Variants in KALRN observed in about 807,000 individuals in gnomAD.
KALRN encodes kalirin.
A neutral mutation model predicts 353.7 loss-of-function variants in KALRN; 70 were observed. That is an observed-to-expected ratio of 0.20 (90% confidence interval 0.16 to 0.24). The LOEUF (loss-of-function observed/expected upper bound fraction) is 0.24, where lower values mean the gene tolerates loss of function less well. KALRN is among the 10% of genes least tolerant of loss of function. The pLI, the probability that KALRN is intolerant of heterozygous loss-of-function variation, is 1.00. For synonymous variants in KALRN, 1,391 were observed against 1,434.8 expected (o/e 0.97, Z 0.69); for missense variants, 2,791 against 3,756.7 (o/e 0.74, Z 6.72).
chr3:124,368,192 GA>G (rs1400695142), intron 10 of KALRN, among the ~76,000 whole-genome samples: 1 of 69,716 alleles, frequency 1.4e-5, no homozygotes, highest in Non-Finnish European at 2.7e-5. Flanking sequence ...GCGGGGGGCT[GA>G]CCCCCCACAC....
chr3:124,044,905 C>CCTTCCTTCCTTCCTTCCTTCCTTCT (rs1553740415), intron 1 of KALRN, among the ~76,000 whole-genome samples: 1 of 45,548 alleles, frequency 2.2e-5, no homozygotes, highest in African/African-American at 5.3e-5. Flanking sequence ...TTCCTTCCTT[C>CCTTCCTTCCTTCCTTCCTTCCTTCT]CTTCCTTCTC....
At chr3:124,175,156 G>A (rs2072484958) in intron 1 of KALRN, among the ~76,000 whole-genome samples, 1 of 152,228 alleles carries the variant, frequency 6.6e-6, no homozygotes, top group African/African-American at 2.4e-5. Flanking sequence ...TTCTGTACTT[G>A]CCACGTGCCC....
At chr3:124,439,674 T>C (rs1426461932) in intron 18 of KALRN, among the ~76,000 whole-genome samples, 3 of 152,230 alleles carry the variant, frequency 2.0e-5, no homozygotes, top group Non-Finnish European at 4.4e-5. Flanking sequence ...CACATGACAC[T>C]GTTCATTCTT....
intron 1 of KALRN, among the ~76,000 whole-genome samples, chr3:124,144,268 C>T (rs1209386512): frequency 6.6e-6 from 1 of 152,090 alleles, no homozygotes; most frequent in African/African-American, 2.4e-5. Flanking sequence ...GCATCAGCAA[C>T]TAAAGAGCAG....
intron 39 of KALRN, 73 bp downstream of exon 39, chr3:124,655,740 G>A (rs1272745886): frequency 2.0e-6 from 2 of 1,007,080 alleles, no homozygotes; most frequent in African/African-American, 3.2e-5. Flanking sequence ...AGGCCAAGGT[G>A]TTTTAATCTG....
intron 1 of KALRN, among the ~76,000 whole-genome samples, chr3:124,051,942 C>CCCT (rs1559875182): frequency 6.6e-6 from 1 of 152,164 alleles, no homozygotes; most frequent in Non-Finnish European, 1.5e-5. Context: ...GCAAGTGTGT[C>CCCT]CCTCTCTGAG....
intron 10 of KALRN, among the ~76,000 whole-genome samples, chr3:124,380,755 A>G (rs1343689496): frequency 6.6e-6 from 1 of 152,192 alleles, no homozygotes; most frequent in Non-Finnish European, 1.5e-5. Flanking sequence ...GAGTCAAAGT[A>G]TTGCTTTGGT....
intron 34 of KALRN, among the ~76,000 whole-genome samples, chr3:124,619,609 C>G (rs2079051309): frequency 6.6e-6 from 1 of 151,186 alleles, no homozygotes; most frequent in African/African-American, 2.4e-5. Flanking sequence ...GCCTCAGCCT[C>G]CCGAGTAGCT....
intron 56 of KALRN, 107 bp downstream of exon 56, chr3:124,700,140 C>A: frequency 9.6e-7 from 1 of 1,043,960 alleles, no homozygotes. Flanking sequence ...ATGCAAGAGG[C>A]ACCTTTTAGA....
chr3:124,704,839 C>T (rs374115408), intron 57 of KALRN, among the ~76,000 whole-genome samples: 10 of 152,166 alleles, frequency 6.6e-5, no homozygotes, highest in Admixed American at 2.0e-4. Flanking sequence ...CGTGAGCCAC[C>T]CCACCAGGCC....
At chr3:124,044,905 C>CCTTCCTTCCTTCT (rs1553740415) in intron 1 of KALRN, among the ~76,000 whole-genome samples, 11 of 45,598 alleles carry the variant, frequency 2.4e-4, no homozygotes, top group African/African-American at 5.2e-4. Flanking sequence ...TTCCTTCCTT[C>CCTTCCTTCCTTCT]CTTCCTTCTC....
At chr3:124,388,418 G>A (rs2088779872) in intron 11 of KALRN, among the ~76,000 whole-genome samples, 1 of 151,934 alleles carries the variant, frequency 6.6e-6, no homozygotes, top group Non-Finnish European at 1.5e-5. Context: ...CTCACACTGA[G>A]CTGTGATTCT....
intron 1 of KALRN, chr3:124,163,740 C>A (rs1173303859): frequency 1.0e-6 from 1 of 985,290 alleles, no homozygotes. Flanking sequence ...GTTCTCACTA[C>A]AGGCTTGCTC....
intron 1 of KALRN, among the ~76,000 whole-genome samples, chr3:124,104,118 T>C (rs2062093555): frequency 6.6e-6 from 1 of 152,222 alleles, no homozygotes; most frequent in Non-Finnish European, 1.5e-5. Flanking sequence ...ATACCTATAA[T>C]ATATCTTTGT....
intron 33 of KALRN, among the ~76,000 whole-genome samples, chr3:124,523,809 A>G (rs2067357128): frequency 6.6e-6 from 1 of 152,178 alleles, no homozygotes; most frequent in South Asian, 2.1e-4. Context: ...GAGGTCTCCC[A>G]TTGACTCTCA....
chr3:124,247,517 A>C (rs1472594099), intron 3 of KALRN, among the ~76,000 whole-genome samples: 1 of 152,192 alleles, frequency 6.6e-6, no homozygotes, highest in Non-Finnish European at 1.5e-5. Context: ...TGTTTCTATA[A>C]TAATTCTTTT....
At chr3:124,273,337 T>G (rs977588458) in intron 5 of KALRN, among the ~76,000 whole-genome samples, 2 of 152,204 alleles carry the variant, frequency 1.3e-5, no homozygotes, top group African/African-American at 4.8e-5. Context: ...TAATCAATGT[T>G]GAACAGCTGT....
At chr3:124,522,167 G>T (rs74335403) in intron 33 of KALRN, among the ~76,000 whole-genome samples, 1 of 151,604 alleles carries the variant, frequency 6.6e-6, no homozygotes, top group Non-Finnish European at 1.5e-5. Flanking sequence ...ACAAATAAAT[G>T]TATGTATATA....
intron 1 of KALRN, among the ~76,000 whole-genome samples, chr3:124,094,415 T>C (rs1367867520): frequency 1.3e-5 from 2 of 152,194 alleles, no homozygotes; most frequent in African/African-American, 2.4e-5. Context: ...CCATATTCTA[T>C]TGGAGGAGCC....
Sources: gnomAD v4.1 joint callset for allele counts (sites outside exome capture counted in the v4.1 genomes callset) on GRCh38, gnomAD v4.1.1 for gene constraint, MANE v1.5 for transcripts, NCBI Gene and HGNC (gene_info 2026-07-23, HGNC 2026-07-21) for gene names.